MYH7B: variants seen among roughly 807,000 people sequenced by gnomAD.
MYH7B encodes myosin-7B.
A neutral mutation model predicts 234.5 loss-of-function variants in MYH7B; 205 were observed. The ratio of observed to expected loss-of-function variants is 0.87; its 90% CI spans 0.78 to 0.98. The LOEUF (loss-of-function observed/expected upper bound fraction) is 0.98. Among genes scored for constraint, MYH7B ranks in the 50% least tolerant of loss-of-function variants. The probability of loss-of-function intolerance (pLI) is 0.00; values close to 1 mark genes in which losing one functional copy is unlikely to be tolerated. For missense variants in MYH7B, 2,652 were observed against 2,633.4 expected (o/e 1.01, Z -0.15); for synonymous variants, 1,193 against 1,105.0 (o/e 1.08, Z -1.58).
At position 34,987,707 on chromosome 20, in the gene MYH7B, A is replaced by G. The variant is rs1358184893; in HGVS notation, c.1266+32A>G. ...TGCCTGCAGGCCAAACCCATGGGGG[A>G]CAGCCGGGCAGGGTCCCCTCCTTGC... On this transcript the variant is annotated intron_variant, in intron 17 of 44. Transcript: ENST00000262873. 1.9e-6 allele frequency: 3 copies of G among 1,611,906 alleles called. No individual in the cohort carries two copies. In the South Asian group the frequency reaches 3.3e-5, roughly 18 times the overall value.
chr20:34,991,496 A>G (rs2082150203), intron 24 of MYH7B, among the ~76,000 whole-genome samples: 1 of 152,136 alleles, frequency 6.6e-6, no homozygotes, highest in South Asian at 2.1e-4. Flanking sequence ...AGGTGAAGGG[A>G]TACTGGTTTG....
In MYH7B at chr20:34,986,880, C is replaced by T. The variant is rs930445305; in HGVS notation, c.905-6C>T. On this transcript the variant is annotated splice_region_variant and splice_polypyrimidine_tract_variant and intron_variant, in intron 14 of 44. Coordinates refer to ENST00000262873, the Ensembl canonical transcript of MYH7B. The stretch of plus-strand genomic sequence containing the variant: ...TGACCCTCCCTTCTCTGCCCTGTGT[C>T]CCCAGACATGCTGCTTCTGTCTATG... 7.4e-6 allele frequency: 12 copies of T among 1,611,622 alleles called. No homozygotes were observed. Among genetic ancestry groups the T allele is most frequent in the Middle Eastern group, 1.6e-4 (1 of 6,080 alleles).
intron 5 of MYH7B, among the ~76,000 whole-genome samples, chr20:34,979,055 C>T (rs937191399): frequency 6.6e-6 from 1 of 152,126 alleles, no homozygotes; most frequent in African/African-American, 2.4e-5. Context: ...TGTATGGGAC[C>T]TAAGGAGATC....
At chr20:34,998,559 T>C in exon 34 of MYH7B, 1 of 1,613,748 alleles carries the variant, frequency 6.2e-7, no homozygotes, top group Admixed American at 1.7e-5. Flanking sequence ...ATCAGTCAGC[T>C]GAGCCGTGGA....
intron 2 of MYH7B, among the ~76,000 whole-genome samples, chr20:34,964,657 G>A (rs979944887): frequency 2.4e-4 from 36 of 152,168 alleles, no homozygotes; most frequent in Admixed American, 2.0e-3. Context: ...GGTGGCTCAC[G>A]CCTGTAATCC....
chr20:34,957,289 G>A (rs1569022821), intron 1 of MYH7B, among the ~76,000 whole-genome samples: 1 of 152,158 alleles, frequency 6.6e-6, no homozygotes, highest in East Asian at 1.9e-4. Context: ...ACTGGTTACA[G>A]CGTGACAAAT....
chr20:35,001,136 A>T (rs1315898270), exon 41 of MYH7B: 30 of 1,613,886 alleles, frequency 1.9e-5, no homozygotes, highest in Non-Finnish European at 2.5e-5. Flanking sequence ...GGGAAGAAGC[A>T]GGTGCAGAAG....
chr20:34,987,817 G>T, exon 18 of MYH7B: 1 of 1,614,088 alleles, frequency 6.2e-7, no homozygotes, highest in Non-Finnish European at 8.5e-7. Context: ...CGGCTGTTCA[G>T]GTGGCTGGTG....
intron 27 of MYH7B, 58 bp from the exon 28 acceptor site, chr20:34,995,278 C>T: frequency 2.6e-6 from 4 of 1,562,814 alleles, no homozygotes; most frequent in South Asian, 1.2e-5. Context: ...GGCCTGGTGT[C>T]TCTCTGCTGG....
At chr20:34,994,916 A>C (rs1327975965) in intron 27 of MYH7B, among the ~76,000 whole-genome samples, 1 of 152,254 alleles carries the variant, frequency 6.6e-6, no homozygotes, top group Non-Finnish European at 1.5e-5. Flanking sequence ...CTGCTAGTGC[A>C]GGAGACTGTG....
chr20:34,985,699 A>G (rs2082007733), intron 13 of MYH7B, among the ~76,000 whole-genome samples: 1 of 152,152 alleles, frequency 6.6e-6, no homozygotes, highest in Admixed American at 6.5e-5. Context: ...GTCTTGACGG[A>G]TGAGCGCAGG....
exon 45 of MYH7B, chr20:35,002,198 C>A: frequency 6.6e-7 from 1 of 1,524,662 alleles, no homozygotes; most frequent in African/African-American, 1.4e-5. Flanking sequence ...ACGGCCTGAC[C>A]CCCTGGGCTC....
intron 14 of MYH7B, among the ~76,000 whole-genome samples, 165 bp downstream of exon 14, chr20:34,986,363 C>CA (rs1333344874): frequency 6.6e-6 from 1 of 152,222 alleles, no homozygotes; most frequent in Non-Finnish European, 1.5e-5. Context: ...TGCTAGGGAA[C>CA]AGTCCTCTTA....
intron 32 of MYH7B, 47 bp downstream of exon 32, chr20:34,997,687 T>G (rs772145991): frequency 6.2e-7 from 1 of 1,602,720 alleles, no homozygotes; most frequent in Admixed American, 1.7e-5. Context: ...TTTAAACCAA[T>G]CCCGATCCCA....
chr20:34,998,484 C>T (rs2082305222), intron 33 of MYH7B, 27 bp from the exon 34 acceptor site: 1 of 1,612,956 alleles, frequency 6.2e-7, no homozygotes, highest in African/African-American at 1.3e-5. Context: ...ACCAGCCTGA[C>T]CTGTCCGCTC....
At position 35,001,110 on chromosome 20, in the gene MYH7B, G is replaced by C. The variant is rs760342368; in HGVS notation, c.5427G>C (p.Gln1809His). The C allele has an allele frequency of 1.5e-5, 25 of 1,613,922 alleles. No individual in the cohort carries two copies. In the Middle Eastern group the frequency reaches 1.4e-3, roughly 88 times the overall value. Residue 1809 changes from glutamine (Q) to histidine (H), a missense_variant, in exon 41 of 45, where the codon CAG becomes CAC. By Grantham distance (24) the Gln-to-His change is conservative (BLOSUM62 0). Transcript: ENST00000262873. ...AGGCCCGCCTTGAGGAGGCAGAACA[G>C]GCCGCCCTCCGTGGCGGGAAGAAGC...
exon 24 of MYH7B, chr20:34,991,035 G>A: frequency 1.2e-6 from 2 of 1,613,746 alleles, no homozygotes; most frequent in Admixed American, 1.7e-5. Flanking sequence ...TGCTACACCA[G>A]CTGCGCTGCA....
chr20:34,986,608 AGT>A (rs1484859081), intron 14 of MYH7B, among the ~76,000 whole-genome samples: 1 of 152,222 alleles, frequency 6.6e-6, no homozygotes, highest in Non-Finnish European at 1.5e-5. Context: ...TCAAAAGATG[AGT>A]GAGACGTGAG....
intron 3 of MYH7B, among the ~76,000 whole-genome samples, chr20:34,976,042 G>A (rs1383504495): frequency 3.3e-5 from 5 of 152,210 alleles, no homozygotes; most frequent in African/African-American, 9.7e-5. Flanking sequence ...ATGTGTTCAT[G>A]TAATATGCAC....
Sources: gnomAD v4.1 joint callset for allele counts (sites outside exome capture counted in the v4.1 genomes callset) on GRCh38, gnomAD v4.1.1 for gene constraint, MANE v1.5 for transcripts, NCBI Gene and HGNC (gene_info 2026-07-23, HGNC 2026-07-21) for gene names.